The following STK4 variants were observed in gnomAD, a reference collection of about 807,000 sequenced individuals.
STK4 encodes serine/threonine-protein kinase 4.
In STK4, 30 loss-of-function variants were observed where a neutral mutation model predicts 64.9. The ratio of observed to expected loss-of-function variants is 0.46; its 90% CI spans 0.35 to 0.63. The LOEUF (loss-of-function observed/expected upper bound fraction) is 0.63, where lower values mean the gene tolerates loss of function less well. STK4 is among the 20% of genes least tolerant of loss of function. The pLI is 0.01. For synonymous variants in STK4, 177 were observed against 199.0 expected, an observed-to-expected ratio of 0.89 and a Z score of 0.93; for missense variants, 466 against 598.5, an observed-to-expected ratio of 0.78 and a Z score of 2.31.
intron 5 of STK4, among the ~76,000 whole-genome samples, chr20:44,991,623 G>A (rs1203171002): frequency 6.6e-6 from 1 of 151,572 alleles, no homozygotes; most frequent in Non-Finnish European, 1.5e-5. Flanking sequence ...GTTTGTAAAT[G>A]TTCATTTTTG....
In STK4 at chr20:45,078,416, AG is replaced by A. The variant is rs1980683184; in HGVS notation, c.*3242del. On this transcript the variant is annotated 3_prime_UTR_variant, in exon 11 of 11. Coordinates refer to ENST00000372806, the MANE Select transcript of STK4 (RefSeq NM_006282.5). Reference sequence around the variant, plus strand: ...GAGACAGGGTTTCACCATATTAGCCAGGTGGGTCTTGAACTCCTGACCTTGT... The same window carrying A: ...GAGACAGGGTTTCACCATATTAGCCAGTGGGTCTTGAACTCCTGACCTTGT... 1 of 152,122 alleles carries A rather than the reference AG, an allele frequency of 6.6e-6. No homozygotes were observed. Among genetic ancestry groups the A allele is most frequent in the South Asian group, 2.1e-4 (1 of 4,820 alleles). The allele number at this position is 152,122 out of a possible 1,614,324, so 9.4% of individuals were successfully genotyped here.
chr20:45,063,838 C>T lies in STK4; in HGVS notation c.1306-11180C>T, dbSNP rs188576384. Among the ~76,000 whole-genome samples, 132 of 151,014 alleles carry T rather than the reference C, an allele frequency of 8.7e-4. 1 individual carries two copies. The highest frequency in any genetic ancestry group is 4.2e-3 in the South Asian group (20 of 4,778). ...TTTATTTATTTTTGAGACGGAGTCT[C>T]GCTCTGTCACCCAGGCTGGAGTGCA... On this transcript the variant is annotated intron_variant, in intron 10 of 10. Transcript: ENST00000372806.
At chr20:45,059,304 G>A (rs1316306209) in intron 10 of STK4, among the ~76,000 whole-genome samples, 3 of 152,058 alleles carry the variant, frequency 2.0e-5, no homozygotes, top group Non-Finnish European at 2.9e-5. Context: ...ATGATTTTTT[G>A]TTGTTAGCCA....
chr20:44,984,186 G>GTTTTTTTTTTTTTTTTTTTT (rs11397664), intron 4 of STK4, among the ~76,000 whole-genome samples: 25 of 76,054 alleles, frequency 3.3e-4, no homozygotes, highest in Admixed American at 8.1e-4. Flanking sequence ...TGTTGTCGTT[G>GTTTTTTTTTTTTTTTTTTTT]TTTTTTTTTT....
intron 10 of STK4, among the ~76,000 whole-genome samples, chr20:45,069,665 TAG>T (rs1417597974): frequency 6.6e-6 from 1 of 152,190 alleles, no homozygotes; most frequent in Non-Finnish European, 1.5e-5. Flanking sequence ...TGACTCTTCT[TAG>T]CACCCATCCA....
rs1403286845 is a variant in STK4 at position 44,966,518 on chromosome 20, T to C, written c.-51T>C. On this transcript the variant is annotated 5_prime_UTR_variant, in exon 1 of 11. Transcript: ENST00000372806. Reference sequence around the variant, plus strand: ...GGGTCTGCGGGGCGGGCTCAGGAGGTCCGCGGGAGGATGGAGCAGTGAGCG... The same window carrying C: ...GGGTCTGCGGGGCGGGCTCAGGAGGCCCGCGGGAGGATGGAGCAGTGAGCG... The C allele has an allele frequency of 1.1e-5, 14 of 1,251,914 alleles. 1 individual carries two copies. The Admixed American group carries it at 5.9e-4, about 53-fold the overall frequency. 77.6% of individuals were successfully genotyped at this position (1,251,914 alleles called of 1,614,324 possible).
intron 7 of STK4, among the ~76,000 whole-genome samples, chr20:44,998,027 T>G (rs1471412680): frequency 6.6e-6 from 1 of 152,200 alleles, no homozygotes; most frequent in Non-Finnish European, 1.5e-5. Flanking sequence ...TTGAGCCTTT[T>G]TTATTCCAAA....
intron 10 of STK4, among the ~76,000 whole-genome samples, chr20:45,047,726 A>T (rs146540493): frequency 6.6e-6 from 1 of 152,266 alleles, no homozygotes. Flanking sequence ...TGGATAAAGC[A>T]TAAAGCATTT....
Position 45,001,324 on chromosome 20 carries a change from A to C in STK4, c.1118A>C (p.Glu373Ala), listed in dbSNP as rs2067837154. The change falls in exon 9 of 11, where the codon GAG (glutamate) becomes GCG (alanine). Residue 373 changes from glutamate to alanine, a missense_variant. Glu to Ala is a moderately radical substitution (Grantham distance 107). Transcript: ENST00000372806. ...CTGGGCACCATGGTGATCAATGCAG[A>C]GGATGAGGAAGAGGAAGGAACTATG... ...SQLGTMVINAEDEEEEGTMKR... is the reference protein window; with the variant it reads ...SQLGTMVINAADEEEEGTMKR... 2 of 1,612,388 alleles carry C rather than the reference A, an allele frequency of 1.2e-6. No individual in the cohort carries two copies. Among genetic ancestry groups the C allele is most frequent in the African/African-American group, 1.3e-5 (1 of 75,032 alleles).
intron 3 of STK4, among the ~76,000 whole-genome samples, chr20:44,981,213 G>A (rs2067432885): frequency 6.6e-6 from 1 of 151,950 alleles, no homozygotes; most frequent in South Asian, 2.1e-4. Flanking sequence ...GGAGTGCAGT[G>A]GCGCGATTTC....
At chr20:44,967,717 G>T (rs1186470057) in intron 1 of STK4, among the ~76,000 whole-genome samples, 1 of 152,204 alleles carries the variant, frequency 6.6e-6, no homozygotes, top group Non-Finnish European at 1.5e-5. Context: ...TTGACTGCCT[G>T]GGCAGCACTC....
In STK4 at chr20:45,063,783, AG is replaced by A. The variant is rs375077561; in HGVS notation, c.1306-11227del. Among the ~76,000 whole-genome samples, 778 of 151,552 alleles carry A rather than the reference AG, an allele frequency of 5.1e-3. 6 individuals are homozygous for A. Among genetic ancestry groups the A allele is most frequent in the African/African-American group, 0.016 (667 of 41,316 alleles). On this transcript the variant is annotated intron_variant, in intron 10 of 10. Transcript: ENST00000372806. ...TTGATTTTTGTGTATGATATAAGGA[AG>A]GGGGGGGTCCAGTGTTTTTATTTAT...
rs1980521303 is a variant in STK4, at chr20:45,076,433, CTT to C, written c.*1258_*1259del. The C allele has an allele frequency of 6.6e-6, 1 of 152,256 alleles. No individual in the cohort carries two copies. Among genetic ancestry groups the C allele is most frequent in the Non-Finnish European group, 1.5e-5 (1 of 68,054 alleles). 9.4% of individuals were successfully genotyped at this position (152,256 alleles called of 1,614,324 possible). ...CCCAGGCCACCGAACCATGCAGCCC[CTT>C]CTTTGGGGGAAGAGACCTGTGTCAG... On this transcript the variant is annotated 3_prime_UTR_variant, in exon 11 of 11. Transcript: ENST00000372806. The surrounding 1 kb of genome is among the most constrained non-coding windows in gnomAD (Gnocchi z 4.0).
chr20:45,075,228 T>C lies in STK4; in HGVS notation c.*52T>C. ...CTCCACCCAGGCTTTGGGTGAATTC[T>C]GGATGGCTTGCCTCATGTTTGTTAG... On this transcript the variant is annotated 3_prime_UTR_variant, in exon 11 of 11. Transcript: ENST00000372806. 6.3e-7 allele frequency: 1 copy of C among 1,590,786 alleles called. No individual in the cohort carries two copies. Among genetic ancestry groups the C allele is most frequent in the Admixed American group, 1.7e-5 (1 of 58,468 alleles).
chr20:44,992,249 ATTATT>A (rs2067648653), intron 5 of STK4, among the ~76,000 whole-genome samples: 1 of 148,484 alleles, frequency 6.7e-6, no homozygotes, highest in African/African-American at 2.4e-5. Context: ...TTTATTTTTT[ATTATT>A]TTATTTTATT....
chr20:45,063,501 G>A (rs1433233316), intron 10 of STK4, among the ~76,000 whole-genome samples: 1 of 152,114 alleles, frequency 6.6e-6, no homozygotes, highest in Non-Finnish European at 1.5e-5. Context: ...ATCTTTGTTG[G>A]ATGCATAGTT....
At chr20:45,070,031 G>A (rs946494434) in intron 10 of STK4, among the ~76,000 whole-genome samples, 1 of 152,060 alleles carries the variant, frequency 6.6e-6, no homozygotes, top group African/African-American at 2.4e-5. Flanking sequence ...TGTAGGTTAA[G>A]GAAGAACAGG....
Position 44,980,737 on chromosome 20 carries a change from C to T in STK4, c.246-1092C>T, listed in dbSNP as rs543725908. ...AGGCTGGAGTGCAGTGGCGCGATCT[C>T]GACTCACTGCAAGCTCCGGCTCCTG... On this transcript the variant is annotated intron_variant, in intron 3 of 10. Transcript: ENST00000372806. Among the ~76,000 whole-genome samples the T allele has an allele frequency of 4.6e-5, 7 of 152,160 alleles. No individual in the cohort carries two copies. The South Asian group carries it at 8.3e-4, about 18-fold the overall frequency.
At chr20:44,971,665 CTTT>C (rs71197585) in intron 1 of STK4, among the ~76,000 whole-genome samples, 2 of 90,364 alleles carry the variant, frequency 2.2e-5, no homozygotes, top group South Asian at 3.6e-4. Context: ...AGCCACATGA[CTTT>C]TTTTTTTTTT....
Sources: allele counts gnomAD v4.1 joint callset (sites outside exome capture counted in the v4.1 genomes callset), GRCh38; gene constraint gnomAD v4.1.1; non-coding constraint Gnocchi (gnomAD v3.1); transcripts MANE v1.5; gene names NCBI Gene and HGNC (gene_info 2026-07-23, HGNC 2026-07-21).